Variants in SMG1 observed in about 807,000 individuals in gnomAD.
The protein encoded by SMG1 is SMG1 nonsense mediated mRNA decay associated PI3K related kinase.
SMG1 carries 22 observed loss-of-function variants against 419.9 expected under a neutral mutation model. The observed-to-expected ratio is 0.05, with a 90% confidence interval of 0.04 to 0.07. The LOEUF is 0.07. Ranked by LOEUF, SMG1 falls within the 10% of genes least tolerant of loss-of-function variation. SMG1 has a pLI of 1.00. For synonymous variants in SMG1, 1,538 were observed against 1,553.5 expected, an observed-to-expected ratio of 0.99 and a Z score of 0.23; for missense variants, 3,185 against 4,342.0, an observed-to-expected ratio of 0.73 and a Z score of 7.49.
At position 18,836,388 on chromosome 16, in the gene SMG1, A is replaced by C; in HGVS notation, c.7749T>G (p.Leu2583=). Residue 2583 remains leucine, a synonymous_variant, in exon 47 of 63, where the codon CTT becomes CTG. Transcript: ENST00000446231. The part of the protein sequence containing the change: ...NLEATQLASL[L]QEISTQMDLG... ...GGTCCATTTGTGTGCTTATCTCTTG[A>C]AGCAAGCTTGCAAGCTGTGTTGCTT... 1 of 1,613,926 alleles carries C rather than the reference A, an allele frequency of 6.2e-7. No individual in the cohort carries two copies. The highest frequency in any genetic ancestry group is 8.5e-7 in the Non-Finnish European group (1 of 1,179,854).
Position 18,807,464 on chromosome 16 carries a change from T to C in SMG1, c.*2105A>G, listed in dbSNP as rs1432824015. ...TCCAAATGAATGAAGAAAACAAAAT[T>C]TGATGCGCTAGGTTCCTTAACTTGC... On this transcript the variant is annotated 3_prime_UTR_variant, in exon 63 of 63. Transcript: ENST00000446231. 6.6e-6 allele frequency: 1 copy of C among 152,076 alleles called. No homozygotes were observed. Among genetic ancestry groups the C allele is most frequent in the East Asian group, 1.9e-4 (1 of 5,188 alleles). 9.4% of individuals were successfully genotyped at this position (152,076 alleles called of 1,614,324 possible).
intron 31 of SMG1, among the ~76,000 whole-genome samples, chr16:18,853,138 A>G (rs1427682654): frequency 1.3e-5 from 2 of 152,252 alleles, no homozygotes; most frequent in African/African-American, 2.4e-5. Flanking sequence ...TATGCCTTCC[A>G]CAACAGGCAC....
rs1567388475 is a variant in SMG1, at chr16:18,864,210, T to TTTTC, written c.3351-67_3351-66insGAAA. 16 of 1,332,282 alleles carry TTTTC rather than the reference T, an allele frequency of 1.2e-5. No individual in the cohort carries two copies. In the African/African-American group the frequency reaches 1.8e-4, roughly 15 times the overall value. 82.5% of individuals were successfully genotyped at this position (1,332,282 alleles called of 1,614,324 possible). ...TACTTTTTTTTTTTTTTTTTTTTTTTTTGTGATGAAGTTTTGCTCTTCTTG... is the reference window on the plus strand; with the variant it reads ...TACTTTTTTTTTTTTTTTTTTTTTTTTTTCTTGTGATGAAGTTTTGCTCTTCTTG... On this transcript the variant is annotated intron_variant, in intron 23 of 62. Transcript: ENST00000446231.
chr16:18,856,038 C>CAT (rs145396325), intron 29 of SMG1, among the ~76,000 whole-genome samples: 27,938 of 152,042 alleles, frequency 0.18, 2,645 homozygotes, highest in Middle Eastern at 0.26. Context: ...GGCCTGCACA[C>CAT]GTTTTTTCTA....
Position 18,863,995 on chromosome 16 carries a change from C to T in SMG1, c.3493+7G>A, listed in dbSNP as rs993034992. ...TTTTGCTTTATTTAAAAATACTGAA[C>T]GCTCACCATTCAGAGAATGTTTCGG... On this transcript the variant is annotated splice_region_variant and intron_variant, in intron 24 of 62. Coordinates refer to ENST00000446231, the MANE Select transcript of SMG1 (RefSeq NM_015092.5). The T allele has an allele frequency of 1.4e-5, 21 of 1,549,556 alleles. No individual in the cohort carries two copies. The highest frequency in any genetic ancestry group is 2.3e-4 in the Middle Eastern group (1 of 4,384).
chr16:18,860,072 C>G (rs1365078643), intron 26 of SMG1, among the ~76,000 whole-genome samples: 4 of 152,108 alleles, frequency 2.6e-5, no homozygotes, highest in Non-Finnish European at 5.9e-5. Context: ...CAAAAAATTA[C>G]CTGGGCACGG....
At chr16:18,890,790 C>A (rs918192976) in intron 5 of SMG1, 73 bp downstream of exon 5, 1 of 796,608 alleles carries the variant, frequency 1.3e-6, no homozygotes, top group Non-Finnish European at 2.2e-6. Flanking sequence ...GGTTTGTCTT[C>A]TTGTGTATTG....
At chr16:18,898,139 T>C (rs1567441724) in intron 1 of SMG1, among the ~76,000 whole-genome samples, 3 of 152,312 alleles carry the variant, frequency 2.0e-5, no homozygotes, top group Admixed American at 1.3e-4. Flanking sequence ...ACATAAAACT[T>C]AGCATGAGCT....
Position 18,829,702 on chromosome 16 carries a change from T to C in SMG1, c.9187A>G (p.Asn3063Asp), listed in dbSNP as rs1178480330. 1 of 1,613,950 alleles carries C rather than the reference T, an allele frequency of 6.2e-7. No homozygotes were observed. The highest frequency in any genetic ancestry group is 1.1e-5 in the South Asian group (1 of 91,072). The stretch of plus-strand genomic sequence containing the variant: ...GAGTTTCTAAAAAGGGTTTTCACAT[T>C]GACAATCTGTACAGGCCCATTCACA... ...NTVNGPVQIV[N>D]VKTLFRNSCF... Residue 3063 changes from asparagine to aspartate, a missense_variant, in exon 54 of 63, where the codon AAT becomes GAT. Coordinates refer to ENST00000446231, the MANE Select transcript of SMG1 (RefSeq NM_015092.5).
chr16:18,828,674 C>T (rs1362207855), intron 54 of SMG1, among the ~76,000 whole-genome samples: 1 of 152,198 alleles, frequency 6.6e-6, no homozygotes, highest in Non-Finnish European at 1.5e-5. Context: ...ATACAGGAAG[C>T]ATACCTACAT....
intron 29 of SMG1, chr16:18,857,674 T>C (rs1384611037): frequency 2.0e-5 from 3 of 152,124 alleles, no homozygotes; most frequent in Non-Finnish European, 4.4e-5. Flanking sequence ...GACTTGCACA[T>C]GAATGTTGAG....
At chr16:18,865,791 T>A (rs2035468732) in intron 23 of SMG1, among the ~76,000 whole-genome samples, 1 of 151,930 alleles carries the variant, frequency 6.6e-6, no homozygotes, top group African/African-American at 2.4e-5. Context: ...GCCTCCCAAG[T>A]AGCTGGGATT....
At position 18,877,264 on chromosome 16, in the gene SMG1, T is replaced by C. The variant is rs569405092; in HGVS notation, c.1519-32A>G. On this transcript the variant is annotated intron_variant, in intron 11 of 62. Transcript: ENST00000446231. Reference sequence around the variant, plus strand: ...GAATAAAATTTTTAAAAAATGAGCTTCTCCAATTACAAAAAGACATGGAGA... The same window carrying C: ...GAATAAAATTTTTAAAAAATGAGCTCCTCCAATTACAAAAAGACATGGAGA... 93 of 1,457,082 alleles carry C rather than the reference T, an allele frequency of 6.4e-5. 1 individual carries two copies. In the East Asian group the frequency reaches 1.7e-3, roughly 27 times the overall value. 90.3% of individuals were successfully genotyped at this position (1,457,082 alleles called of 1,614,324 possible).
At chr16:18,814,029 C>CAAAAAAAAAA (rs34998351) in intron 60 of SMG1, among the ~76,000 whole-genome samples, 4 of 60,138 alleles carry the variant, frequency 6.7e-5, no homozygotes, top group Non-Finnish European at 9.0e-5. Flanking sequence ...AGACTCATCT[C>CAAAAAAAAAA]AAAAAAAAAA....
chr16:18,907,434 C>T (rs1182992584), intron 1 of SMG1, among the ~76,000 whole-genome samples: 1 of 152,088 alleles, frequency 6.6e-6, no homozygotes, highest in Non-Finnish European at 1.5e-5. Flanking sequence ...CAGCTCACTG[C>T]AGCCTTGAAC....
intron 44 of SMG1, 22 bp downstream of exon 44, chr16:18,838,335 G>T: frequency 6.2e-7 from 1 of 1,604,772 alleles, no homozygotes. Flanking sequence ...TACACTAAAA[G>T]GGAGAAGAGA....
At chr16:18,903,934 C>CTTTTT (rs71141091) in intron 1 of SMG1, among the ~76,000 whole-genome samples, 155 of 99,840 alleles carry the variant, frequency 1.6e-3, no homozygotes, top group Non-Finnish European at 1.7e-3. Context: ...TATGTCTTGT[C>CTTTTT]TTTTTTTTTT....
chr16:18,926,183 A>AAGG lies in SMG1; in HGVS notation c.-145_-143dup. ...GGAGGAGGAGGAGGAGGAGGAGGAG[A>AAGG]AGGAGGAGGCGGCGGAGGGCGGGGG... On this transcript the variant is annotated 5_prime_UTR_variant, in exon 1 of 63. Transcript: ENST00000446231. 1.5e-6 allele frequency: 1 copy of AAGG among 670,002 alleles called. No individual in the cohort carries two copies. The highest frequency in any genetic ancestry group is 2.3e-6 in the Non-Finnish European group (1 of 431,700). 41.5% of individuals were successfully genotyped at this position (670,002 alleles called of 1,614,324 possible).
At chr16:18,876,913 G>T (rs927797304) in intron 12 of SMG1, among the ~76,000 whole-genome samples, 3 of 151,910 alleles carry the variant, frequency 2.0e-5, no homozygotes, top group Non-Finnish European at 4.4e-5. Flanking sequence ...AACAGCAAAA[G>T]ATGCATAGTC....
Sources: gnomAD v4.1 joint callset for allele counts (sites outside exome capture counted in the v4.1 genomes callset) on GRCh38, gnomAD v4.1.1 for gene constraint, MANE v1.5 for transcripts, NCBI Gene and HGNC (gene_info 2026-07-23, HGNC 2026-07-21) for gene names.